Variants in AMZ1 observed in about 807,000 individuals in gnomAD.
AMZ1 encodes the protein archaelysin family metallopeptidase 1.
In AMZ1, 39 loss-of-function variants were observed where a neutral mutation model predicts 29.9. The ratio of observed to expected loss-of-function variants is 1.30; its 90% confidence interval spans 1.01 to 1.70. The LOEUF (loss-of-function observed/expected upper bound fraction) is 1.70. AMZ1 is among the 40% of genes most tolerant of loss of function. The pLI, the probability that AMZ1 is intolerant of heterozygous loss-of-function variation, is 0.00. For synonymous variants in AMZ1, 458 were observed against 304.0 expected, an observed-to-expected ratio of 1.51 and a Z score of -5.27; for missense variants, 1,041 against 680.6, an observed-to-expected ratio of 1.53 and a Z score of -5.89.
intron 2 of AMZ1, 139 bp from the exon 3 acceptor site, chr7:2,702,583 C>T: frequency 1.0e-6 from 1 of 976,564 alleles, no homozygotes; most frequent in Non-Finnish European, 1.5e-6. Flanking sequence ...TTTTCTAAGC[C>T]TGACGCTCTG....
upstream of AMZ1, chr7:2,762,944 G>A (rs116761987): frequency 2.3e-3 from 3,204 of 1,380,384 alleles, 82 homozygotes; most frequent in African/African-American, 0.044. Context: ...ACACTCCCGT[G>A]GGGCCCGTGC....
chr7:2,739,893 G>A (rs191353452), intron 4 of AMZ1, among the ~76,000 whole-genome samples: 3 of 152,098 alleles, frequency 2.0e-5, no homozygotes, highest in African/African-American at 7.2e-5. Context: ...GGCTGGTCTC[G>A]AACTCCTGAC....
chr7:2,725,949 G>A lies in AMZ1; in HGVS notation n.550+16133G>A, dbSNP rs1459603259. Among the ~76,000 whole-genome samples, 4 of 152,240 alleles carry A rather than the reference G, an allele frequency of 2.6e-5. No homozygotes were observed. The East Asian group carries it at 7.7e-4, about 29-fold the overall frequency. On this transcript the variant is annotated intron_variant and non_coding_transcript_variant, in intron 4 of 4. Coordinates refer to the AMZ1 transcript ENST00000489665. The stretch of plus-strand genomic sequence containing the variant: ...AGTCCCCCCACCGACTCTCAGGTCT[G>A]GACCAGCTCCCCTGAACGCCAAGGC...
rs138228713 is a variant in AMZ1, at chr7:2,733,321, C to G, written n.550+23505C>G. 5.5e-4 allele frequency: 410 copies of G among 741,044 alleles called. 5 individuals carry two copies. The East Asian group carries it at 6.3e-3, about 11-fold the overall frequency. The allele number at this position is 741,044 out of a possible 1,614,324, so 45.9% of individuals were successfully genotyped here. On this transcript the variant is annotated intron_variant and non_coding_transcript_variant, in intron 4 of 4. Coordinates refer to the AMZ1 transcript ENST00000489665. ...GAGAGCGTGCCATTACAGTACTATT[C>G]GTGGTAATGTGACAGAACAAGCTCG...
chr7:2,703,111 C>T (rs996859842), intron 3 of AMZ1, among the ~76,000 whole-genome samples: 29 of 152,160 alleles, frequency 1.9e-4, no homozygotes, highest in Non-Finnish European at 3.4e-4. Flanking sequence ...CACAGGAAAA[C>T]GCCAGAGCAT....
chr7:2,723,648 C>T (rs778146328), downstream of AMZ1, among the ~76,000 whole-genome samples: 3 of 152,204 alleles, frequency 2.0e-5, no homozygotes, highest in Admixed American at 6.5e-5. Flanking sequence ...CCCAAGCTCT[C>T]GGGGACGATT....
chr7:2,704,973 C>T (rs1299987735), intron 3 of AMZ1, among the ~76,000 whole-genome samples: 1 of 152,204 alleles, frequency 6.6e-6, no homozygotes, highest in Non-Finnish European at 1.5e-5. Flanking sequence ...AACATAGTTG[C>T]TTGACCGTCT....
chr7:2,735,035 T>TC lies in AMZ1; in HGVS notation n.550+25225dup, dbSNP rs546950994. ...GCCGCCTTCCCGTGGCTGTGCCAAGTCCCCCCGGTCCTCTGCACATCATGC... is the reference window on the plus strand; with the variant it reads ...GCCGCCTTCCCGTGGCTGTGCCAAGTCCCCCCCGGTCCTCTGCACATCATGC... On this transcript the variant is annotated intron_variant and non_coding_transcript_variant, in intron 4 of 4. Transcript: ENST00000489665. Among the ~76,000 whole-genome samples the TC allele has an allele frequency of 1.3e-3, 197 of 152,110 alleles. 2 individuals are homozygous for TC. Among genetic ancestry groups the TC allele is most frequent in the African/African-American group, 4.4e-3 (183 of 41,480 alleles).
In AMZ1 at chr7:2,743,888, G is replaced by A. The variant is rs551613469; in HGVS notation, n.551-20824G>A. ...CCAGATTACATCCCGCACCTGGCTC[G>A]GAGGGTCCTACACCCAAGGAGTCTT... On this transcript the variant is annotated intron_variant and non_coding_transcript_variant, in intron 4 of 4. Coordinates refer to the AMZ1 transcript ENST00000489665. Among the ~76,000 whole-genome samples the A allele has an allele frequency of 2.2e-4, 34 of 152,038 alleles. No individual in the cohort carries two copies. In the South Asian group the frequency reaches 6.2e-3, roughly 28 times the overall value.
chr7:2,708,947 G>A, intron 4 of AMZ1, 128 bp from the exon 5 acceptor site: 4 of 1,318,620 alleles, frequency 3.0e-6, no homozygotes, highest in Non-Finnish European at 4.1e-6. Context: ...GGCAGGACAG[G>A]GCCTCCCAGG....
chr7:2,681,190 C>T (rs1051198536), intron 1 of AMZ1, among the ~76,000 whole-genome samples: 4 of 152,236 alleles, frequency 2.6e-5, no homozygotes, highest in Non-Finnish European at 4.4e-5. Flanking sequence ...GGCTAGCGTG[C>T]GCCTGGCCAT....
Position 2,708,655 on chromosome 7 carries a change from G to A in AMZ1, c.540G>A (p.Leu180=), listed in dbSNP as rs1788524804. The change falls in exon 4 of 7, where the codon CTG becomes CTA. Residue 180 remains leucine (L), a synonymous_variant. Coordinates refer to ENST00000683327, the MANE Select transcript of AMZ1 (RefSeq NM_001384743.1). ...CGCTGTGTGTGCTGGGCCTCACACT[G>A]TCTGACCTGTACCCCCATGAGGCCT... The part of the protein sequence containing the change: ...GDALCVLGLT[L]SDLYPHEAWS... 6.2e-6 allele frequency: 10 copies of A among 1,613,232 alleles called. No individual in the cohort carries two copies. Among genetic ancestry groups the A allele is most frequent in the Non-Finnish European group, 8.5e-6 (10 of 1,180,000 alleles).
chr7:2,709,066 T>C lies in AMZ1; in HGVS notation c.602-9T>C. On this transcript the variant is annotated splice_polypyrimidine_tract_variant and intron_variant, in intron 4 of 6. Transcript: ENST00000683327. ...CCCTGAGAGTGCCCTTCTCTCCATC[T>C]CTCTCCAGAAGTGGGCGTCTGCAGC... The C allele has an allele frequency of 6.4e-7, 1 of 1,563,596 alleles. No individual in the cohort carries two copies. Among genetic ancestry groups the C allele is most frequent in the South Asian group, 1.2e-5 (1 of 84,166 alleles).
chr7:2,712,558 G>A lies in AMZ1; in HGVS notation c.1177G>A (p.Ala393Thr), dbSNP rs1788859870. 1 of 1,610,258 alleles carries A rather than the reference G, an allele frequency of 6.2e-7. No homozygotes were observed. Among genetic ancestry groups the A allele is most frequent in the Non-Finnish European group, 8.5e-7 (1 of 1,178,566 alleles). Residue 393 changes from alanine (A) to threonine (T), a missense_variant, in exon 7 of 7, where the codon GCT (alanine) becomes ACT (threonine). Ala to Thr is a moderately conservative substitution (Grantham distance 58). Coordinates refer to ENST00000683327, the MANE Select transcript of AMZ1 (RefSeq NM_001384743.1). Reference sequence around the variant, plus strand: ...GCTGAGCTACCTGGCAGCCTCAGAGGCTCCGCTGCCACCTGGGGGCCCTGC... The same window carrying A: ...GCTGAGCTACCTGGCAGCCTCAGAGACTCCGCTGCCACCTGGGGGCCCTGC... Reference protein sequence around the residue: ...EGLSYLAASEAPLPPGGPAEA... With the variant: ...EGLSYLAASETPLPPGGPAEA...
upstream of AMZ1, chr7:2,762,449 C>CT (rs1791605899): frequency 1.9e-6 from 1 of 531,412 alleles, no homozygotes; most frequent in South Asian, 3.8e-5. Flanking sequence ...CGCTACTTAA[C>CT]TCCAAAGTCC....
chr7:2,690,747 G>A (rs901615961), intron 1 of AMZ1, among the ~76,000 whole-genome samples: 2 of 152,000 alleles, frequency 1.3e-5, no homozygotes, highest in South Asian at 2.1e-4. Flanking sequence ...GCTCCCATTC[G>A]GTCCTCCCTG....
Position 2,738,322 on chromosome 7 carries a change from A to C in AMZ1, n.551-26390A>C, listed in dbSNP as rs150709618. 2.2e-4 allele frequency among the ~76,000 whole-genome samples: 33 copies of C among 152,312 alleles called. No homozygotes were observed. In the East Asian group the frequency reaches 6.4e-3, roughly 29 times the overall value. Reference sequence around the variant, plus strand: ...AATTAGGTAACAGATTCACTGGCAGAAATACAAAGTGACGCAGGCACAAGC... The same window carrying C: ...AATTAGGTAACAGATTCACTGGCAGCAATACAAAGTGACGCAGGCACAAGC... On this transcript the variant is annotated intron_variant and non_coding_transcript_variant, in intron 4 of 4. Transcript: ENST00000489665.
chr7:2,712,480 C>T lies in AMZ1; in HGVS notation c.1099C>T (p.Pro367Ser), dbSNP rs924851137. ...GGAGCCCGGCACCAGTGTGTCGGAGCCCCTCACCCCTGATGCCGGGAGTCA... is the reference window on the plus strand; with the variant it reads ...GGAGCCCGGCACCAGTGTGTCGGAGTCCCTCACCCCTGATGCCGGGAGTCA... ...DSEPGTSVSE[P>S]LTPDAGSHTF... is the part of the protein sequence containing the mutation. The change falls in exon 7 of 7, where the codon CCC becomes TCC. Residue 367 changes from proline to serine, a missense_variant. By Grantham distance (74) the Pro-to-Ser change is moderately conservative. Transcript: ENST00000683327. 1.9e-6 allele frequency: 3 copies of T among 1,610,330 alleles called. No homozygotes were observed. Among genetic ancestry groups the T allele is most frequent in the African/African-American group, 1.3e-5 (1 of 75,026 alleles).
rs534506744 is a variant in AMZ1 at position 2,680,529 on chromosome 7, C to T, written c.-219+858C>T. The stretch of plus-strand genomic sequence containing the variant: ...CCCAGCTTTCCTTGCTACCTGAGAT[C>T]CCCTCTGTGGCTGGGGTTGCTGGAG... On this transcript the variant is annotated intron_variant, in intron 1 of 6. Coordinates refer to the AMZ1 transcript ENST00000312371. Among the ~76,000 whole-genome samples the T allele has an allele frequency of 2.6e-5, 4 of 152,322 alleles. No individual in the cohort carries two copies. The South Asian group carries it at 6.2e-4, about 24-fold the overall frequency.
Sources: gnomAD v4.1 joint callset for allele counts (sites outside exome capture counted in the v4.1 genomes callset) on GRCh38, gnomAD v4.1.1 for gene constraint, MANE v1.5 for transcripts, NCBI Gene and HGNC (gene_info 2026-07-23, HGNC 2026-07-21) for gene names.